Variants in CNTN6 observed in about 807,000 individuals in gnomAD.
CNTN6 encodes the protein contactin 6, also known as contactin-6.
In CNTN6, 137 loss-of-function variants were observed where a neutral mutation model predicts 122.8. That is an observed-to-expected ratio of 1.12 (90% CI 0.97 to 1.29). The LOEUF (loss-of-function observed/expected upper bound fraction) is 1.29. Ranked by LOEUF, CNTN6 falls within the 50% of genes most tolerant of loss-of-function variation. CNTN6 has a pLI of 0.00. For synonymous variants in CNTN6, 570 were observed against 426.0 expected (o/e 1.34, Z -4.16); for missense variants, 1,634 against 1,223.4 (o/e 1.34, Z -5.01).
At chr3:1,192,677 C>T (rs181321309) in intron 2 of CNTN6, among the ~76,000 whole-genome samples, 1 of 152,178 alleles carries the variant, frequency 6.6e-6, no homozygotes, top group East Asian at 1.9e-4. Context: ...TGCACCCCAA[C>T]AACAAAGATA....
chr3:1,188,753 T>C (rs6777089), intron 2 of CNTN6, among the ~76,000 whole-genome samples: 8,798 of 152,316 alleles, frequency 0.058, 888 homozygotes, highest in African/African-American at 0.2. Flanking sequence ...ACTTGGCTTC[T>C]AGAGAACAGC....
chr3:1,380,939 G>T (rs538927988), intron 17 of CNTN6, among the ~76,000 whole-genome samples: 1 of 151,590 alleles, frequency 6.6e-6, no homozygotes, highest in East Asian at 1.9e-4. Context: ...TCCACTTAAA[G>T]AAAACTCTTT....
intron 2 of CNTN6, among the ~76,000 whole-genome samples, chr3:1,215,537 G>A (rs879797239): frequency 6.6e-6 from 1 of 151,862 alleles, no homozygotes; most frequent in Non-Finnish European, 1.5e-5. Flanking sequence ...TATTGTCTGT[G>A]TATTTTTTTC....
chr3:1,167,836 T>C (rs1253210671), intron 2 of CNTN6, among the ~76,000 whole-genome samples: 1 of 152,218 alleles, frequency 6.6e-6, no homozygotes, highest in African/African-American at 2.4e-5. Flanking sequence ...TGAGCACTCA[T>C]ATGTGCTTTC....
intron 20 of CNTN6, among the ~76,000 whole-genome samples, chr3:1,388,234 C>A (rs1052060769): frequency 1.4e-5 from 2 of 146,724 alleles, no homozygotes; most frequent in Non-Finnish European, 3.0e-5. Flanking sequence ...CACACTGCCT[C>A]CTCAAGTGGG....
At chr3:1,394,806 A>T (rs1234489525) in intron 20 of CNTN6, among the ~76,000 whole-genome samples, 3 of 152,194 alleles carry the variant, frequency 2.0e-5, no homozygotes, top group Non-Finnish European at 4.4e-5. Flanking sequence ...GCTAAAGATT[A>T]TTGGTTTGTC....
chr3:1,271,205 T>G (rs1191251855), intron 4 of CNTN6, among the ~76,000 whole-genome samples: 6 of 152,194 alleles, frequency 3.9e-5, no homozygotes, highest in African/African-American at 1.4e-4. Flanking sequence ...GAATTAAATT[T>G]TATTTCCTTT....
rs751309875 is a variant in CNTN6 at position 1,278,510 on chromosome 3, T to TATG, written c.454+6_454+8dup. On this transcript the variant is annotated splice_region_variant and intron_variant, in intron 5 of 22. Coordinates refer to ENST00000446702, the MANE Select transcript of CNTN6 (RefSeq NM_001289080.2). ...GTGGCCCACCGCCACATTTTGGAGG[T>TATG]ATGATGGGGTGATTTGGGTCATATC... 1.2e-6 allele frequency: 2 copies of TATG among 1,608,074 alleles called. No individual in the cohort carries two copies. The highest frequency in any genetic ancestry group is 4.5e-5 in the East Asian group (2 of 44,790).
At chr3:1,314,623 C>T (rs1238077603) in intron 7 of CNTN6, among the ~76,000 whole-genome samples, 1 of 152,026 alleles carries the variant, frequency 6.6e-6, no homozygotes, top group East Asian at 1.9e-4. Context: ...TGAACTAGGT[C>T]AGATGGTTAA....
At chr3:1,336,576 T>C (rs549180825) in intron 11 of CNTN6, among the ~76,000 whole-genome samples, 1 of 152,274 alleles carries the variant, frequency 6.6e-6, no homozygotes, top group East Asian at 1.9e-4. Flanking sequence ...TCCAAGTATA[T>C]ATATTTGCAG....
intron 17 of CNTN6, 30 bp from the exon 18 acceptor site, chr3:1,382,912 T>G (rs1413304741): frequency 6.8e-7 from 1 of 1,471,272 alleles, no homozygotes; most frequent in Non-Finnish European, 9.5e-7. Flanking sequence ...TTTTTGCAAA[T>G]ACTCAGTGAT....
intron 4 of CNTN6, among the ~76,000 whole-genome samples, chr3:1,231,830 T>C (rs1306309240): frequency 6.6e-6 from 1 of 152,182 alleles, no homozygotes; most frequent in African/African-American, 2.4e-5. Context: ...CTAAAACAAA[T>C]TCAGCAGGAG....
intron 2 of CNTN6, among the ~76,000 whole-genome samples, chr3:1,199,835 G>C (rs1364853525): frequency 6.6e-6 from 1 of 152,028 alleles, no homozygotes; most frequent in African/African-American, 2.4e-5. Context: ...TTTGGCGTTT[G>C]CAAAAACTTT....
chr3:1,204,990 G>C (rs759395122), intron 2 of CNTN6, among the ~76,000 whole-genome samples: 2 of 152,136 alleles, frequency 1.3e-5, no homozygotes, highest in Non-Finnish European at 2.9e-5. Flanking sequence ...TGCTAATAAA[G>C]AGATTATTTT....
chr3:1,343,130 T>G (rs1229884462), intron 11 of CNTN6, among the ~76,000 whole-genome samples: 3 of 152,192 alleles, frequency 2.0e-5, no homozygotes, highest in African/African-American at 7.2e-5. Context: ...TATGATTTTC[T>G]TAGTAACATG....
At chr3:1,247,140 T>C (rs1025387197) in intron 4 of CNTN6, among the ~76,000 whole-genome samples, 1 of 152,220 alleles carries the variant, frequency 6.6e-6, no homozygotes, top group Non-Finnish European at 1.5e-5. Flanking sequence ...TTGTCCTTCG[T>C]ATTTAAATTA....
intron 4 of CNTN6, among the ~76,000 whole-genome samples, chr3:1,231,717 A>G (rs1328273350): frequency 6.6e-6 from 1 of 152,236 alleles, no homozygotes; most frequent in Non-Finnish European, 1.5e-5. Flanking sequence ...GAATTATTTG[A>G]TTACAAAAGT....
At chr3:1,189,042 AAAAACAAAACAAAAC>A (rs200979584) in intron 2 of CNTN6, among the ~76,000 whole-genome samples, 1 of 152,204 alleles carries the variant, frequency 6.6e-6, no homozygotes, top group Non-Finnish European at 1.5e-5. Context: ...ATTTGCTGAT[AAAAACAAAACAAAAC>A]AAAACAAAAC....
At chr3:1,116,930 C>T (rs1439010274) in intron 1 of CNTN6, among the ~76,000 whole-genome samples, 1 of 152,164 alleles carries the variant, frequency 6.6e-6, no homozygotes, top group East Asian at 1.9e-4. Context: ...GTCTTGAACT[C>T]CTGACCTCAA....
Sources: allele counts gnomAD v4.1 joint callset (sites outside exome capture counted in the v4.1 genomes callset), GRCh38; gene constraint gnomAD v4.1.1; transcripts MANE v1.5; gene names NCBI Gene and HGNC (gene_info 2026-07-23, HGNC 2026-07-21).